DPYD: variants seen among roughly 807,000 people sequenced by gnomAD.
DPYD encodes dihydropyrimidine dehydrogenase, also known as dihydropyrimidine dehydrogenase [NADP(+)].
DPYD carries 109 observed loss-of-function variants against 116.2 expected under a neutral mutation model. The ratio of observed to expected loss-of-function variants is 0.94; its 90% CI spans 0.80 to 1.10. The LOEUF (loss-of-function observed/expected upper bound fraction) is 1.10. Ranked by LOEUF, DPYD falls within the 50% of genes least tolerant of loss-of-function variation. The pLI is 0.00. For synonymous variants in DPYD, 440 were observed against 432.0 expected (o/e 1.02, Z -0.23); for missense variants, 1,302 against 1,254.5 (o/e 1.04, Z -0.57).
intron 20 of DPYD, among the ~76,000 whole-genome samples, chr1:97,152,530 A>T (rs1655105897): frequency 6.6e-6 from 1 of 151,544 alleles, no homozygotes; most frequent in Non-Finnish European, 1.5e-5. Flanking sequence ...ATATCTATAA[A>T]TATATCTATT....
intron 5 of DPYD, among the ~76,000 whole-genome samples, chr1:97,708,028 A>C (rs1051688460): frequency 6.6e-6 from 1 of 151,942 alleles, no homozygotes; most frequent in African/African-American, 2.4e-5. Context: ...TTTTGAGATG[A>C]GAGTCTCACT....
intron 18 of DPYD, among the ~76,000 whole-genome samples, chr1:97,264,449 G>A (rs988632248): frequency 2.0e-5 from 3 of 151,834 alleles, no homozygotes; most frequent in African/African-American, 7.3e-5. Flanking sequence ...GTCTCCCAAA[G>A]TGTTGGAATT....
intron 19 of DPYD, among the ~76,000 whole-genome samples, chr1:97,230,746 T>C (rs1661537308): frequency 6.6e-6 from 1 of 152,058 alleles, no homozygotes; most frequent in Non-Finnish European, 1.5e-5. Context: ...ATGACAGCCA[T>C]GTGATAGAAG....
chr1:97,287,330 G>C (rs193211353), intron 18 of DPYD, among the ~76,000 whole-genome samples: 11 of 152,246 alleles, frequency 7.2e-5, no homozygotes, highest in African/African-American at 2.6e-4. Flanking sequence ...CAGTCAGTCT[G>C]CCCCTACTGG....
intron 9 of DPYD, among the ~76,000 whole-genome samples, chr1:97,593,911 G>A (rs1301720286): frequency 6.6e-6 from 1 of 152,058 alleles, no homozygotes; most frequent in East Asian, 1.9e-4. Context: ...GAATTTCTGA[G>A]AACTATTTTC....
chr1:97,258,122 GA>G (rs1220068336), intron 18 of DPYD, among the ~76,000 whole-genome samples: 1 of 152,092 alleles, frequency 6.6e-6, no homozygotes, highest in African/African-American at 2.4e-5. Context: ...GATTAGGAGG[GA>G]GAGGAAGGAG....
At chr1:97,688,161 G>C (rs879381079) in intron 7 of DPYD, among the ~76,000 whole-genome samples, 1 of 152,084 alleles carries the variant, frequency 6.6e-6, no homozygotes, top group Non-Finnish European at 1.5e-5. Flanking sequence ...ATTTAAAAAA[G>C]AGACTAACAA....
At chr1:97,368,698 CT>C (rs1291269938) in intron 16 of DPYD, among the ~76,000 whole-genome samples, 1 of 152,272 alleles carries the variant, frequency 6.6e-6, no homozygotes, top group African/African-American at 2.4e-5. Context: ...TTCAGTAGAA[CT>C]CCTGGGGAAG....
At chr1:97,228,177 A>AT (rs1661323318) in intron 19 of DPYD, among the ~76,000 whole-genome samples, 1 of 151,808 alleles carries the variant, frequency 6.6e-6, no homozygotes, top group African/African-American at 2.4e-5. Context: ...AATACTCTAA[A>AT]TTTCTACAAC....
At chr1:97,386,220 G>A (rs11165855) in intron 14 of DPYD, among the ~76,000 whole-genome samples, 40,425 of 151,894 alleles carry the variant, frequency 0.27, 5,615 homozygotes, top group South Asian at 0.43. Flanking sequence ...CACCTGCACT[G>A]ATCATAGGAA....
At position 97,514,347 on chromosome 1, in the gene DPYD, T is replaced by C. The variant is rs902686895; in HGVS notation, c.1740+1379A>G. 38 of 649,568 alleles carry C rather than the reference T, an allele frequency of 5.9e-5. 1 individual carries two copies. Among genetic ancestry groups the C allele is most frequent in the Non-Finnish European group, 6.7e-5 (35 of 523,552 alleles). The allele number at this position is 649,568 out of a possible 1,614,324, so 40.2% of individuals were successfully genotyped here. ...CATCAAATTCAAAGCAGCAAACACC[T>C]CTTTTTTTCAGCTATAATTCTTCAC... On this transcript the variant is annotated intron_variant, in intron 13 of 22. Coordinates refer to ENST00000370192, the MANE Select transcript of DPYD (RefSeq NM_000110.4).
At chr1:97,578,780 G>A (rs2102201334) in intron 10 of DPYD, among the ~76,000 whole-genome samples, 1 of 152,232 alleles carries the variant, frequency 6.6e-6, no homozygotes, top group South Asian at 2.1e-4. Context: ...CCCAGTCTAA[G>A]CTCATTTACA....
intron 16 of DPYD, among the ~76,000 whole-genome samples, chr1:97,346,657 A>G (rs1669861300): frequency 6.6e-6 from 1 of 151,840 alleles, no homozygotes; most frequent in African/African-American, 2.4e-5. Context: ...CTTGATTTTT[A>G]TGTATAGATA....
chr1:97,421,345 T>A (rs530446935), intron 14 of DPYD, among the ~76,000 whole-genome samples: 1 of 152,268 alleles, frequency 6.6e-6, no homozygotes, highest in South Asian at 2.1e-4. Context: ...ACTATTTGCA[T>A]GAAAAACCAT....
rs1046797934 is a variant in DPYD at position 97,305,318 on chromosome 1, T to C, written c.2240A>G (p.Asp747Gly). ...CCCCACTGCTGGCCAAGGTGTGCCA[T>C]CAGATTTTAATCCCATCAGACCTGA... ...TVSGLMGLKS[D>G]GTPWPAVGIA... The change falls in exon 18 of 23, where the codon GAT becomes GGT. Residue 747 changes from aspartate (D) to glycine (G), a missense_variant. By Grantham distance (94) the Asp-to-Gly change is moderately conservative. Transcript: ENST00000370192. 2 of 1,612,456 alleles carry C rather than the reference T, an allele frequency of 1.2e-6. No individual in the cohort carries two copies.
chr1:97,712,666 T>C (rs1391830172), intron 5 of DPYD, among the ~76,000 whole-genome samples: 1 of 152,034 alleles, frequency 6.6e-6, no homozygotes, highest in African/African-American at 2.4e-5. Flanking sequence ...TGTGTGGCCT[T>C]CAATCAACAA....
At chr1:97,399,263 G>A (rs1411197532) in intron 14 of DPYD, among the ~76,000 whole-genome samples, 2 of 152,138 alleles carry the variant, frequency 1.3e-5, no homozygotes, top group African/African-American at 4.8e-5. Context: ...TTGTAGATGT[G>A]TGGCATTATT....
At chr1:97,278,053 A>T (rs891314936) in intron 18 of DPYD, among the ~76,000 whole-genome samples, 3 of 152,214 alleles carry the variant, frequency 2.0e-5, no homozygotes, top group Admixed American at 1.3e-4. Flanking sequence ...TATGTGACTA[A>T]CTCTGACTAA....
chr1:97,290,634 T>C (rs570223398), intron 18 of DPYD, among the ~76,000 whole-genome samples: 6 of 152,166 alleles, frequency 3.9e-5, no homozygotes, highest in African/African-American at 9.7e-5. Flanking sequence ...GCTAGCCATA[T>C]GTAGAAAGCT....
Sources: allele counts gnomAD v4.1 joint callset (sites outside exome capture counted in the v4.1 genomes callset), GRCh38; gene constraint gnomAD v4.1.1; transcripts MANE v1.5; gene names NCBI Gene and HGNC (gene_info 2026-07-23, HGNC 2026-07-21).